The following RBFOX1 variants were observed in gnomAD, a reference collection of about 807,000 sequenced individuals.
RBFOX1 encodes the protein RNA binding fox-1 homolog 1, also known as RNA binding protein fox-1 homolog 1.
A neutral mutation model predicts 57.7 loss-of-function variants in RBFOX1; 8 were observed. The ratio of observed to expected loss-of-function variants is 0.14; its 90% confidence interval spans 0.08 to 0.25. The LOEUF is 0.25. RBFOX1 is among the 10% of genes least tolerant of loss of function. RBFOX1 has a pLI of 1.00. For synonymous variants in RBFOX1, 326 were observed against 222.4 expected (o/e 1.47, Z -4.15); for missense variants, 611 against 548.5 (o/e 1.11, Z -1.14).
intron 14 of RBFOX1, chr16:7,693,492 G>C (rs2077865351): frequency 1.5e-6 from 1 of 677,642 alleles, no homozygotes; most frequent in Non-Finnish European, 2.4e-6. Flanking sequence ...AAAAAAAAAA[G>C]ATCTTATATC....
intron 3 of RBFOX1, among the ~76,000 whole-genome samples, chr16:6,789,879 C>CA (rs2082612790): frequency 6.6e-6 from 1 of 151,496 alleles, no homozygotes. Context: ...TTCTTATTTT[C>CA]AAAAAATACC....
intron 3 of RBFOX1, among the ~76,000 whole-genome samples, chr16:6,934,360 TGTGA>T (rs1191731269): frequency 6.6e-6 from 1 of 152,184 alleles, no homozygotes; most frequent in Non-Finnish European, 1.5e-5. Flanking sequence ...GTAATAAATA[TGTGA>T]GTATTTTTTT....
chr16:7,099,787 G>A (rs74011024), intron 4 of RBFOX1, among the ~76,000 whole-genome samples: 2,657 of 152,226 alleles, frequency 0.017, 80 homozygotes, highest in African/African-American at 0.062. Flanking sequence ...CAAGTGGTTC[G>A]TAGAGTTACC....
At chr16:5,515,227 C>T (rs946514207) in intron 2 of RBFOX1, among the ~76,000 whole-genome samples, 2 of 152,216 alleles carry the variant, frequency 1.3e-5, no homozygotes, top group African/African-American at 4.8e-5. Context: ...ATCAGGTGGC[C>T]TGTGCCTACT....
chr16:5,598,940 C>T, exon 3 of RBFOX1: 9 of 1,533,582 alleles, frequency 5.9e-6, no homozygotes, highest in Non-Finnish European at 7.9e-6. Context: ...TCCCCGGTGC[C>T]AAGAACAGCC....
chr16:5,863,606 A>G (rs2057278182), intron 3 of RBFOX1, among the ~76,000 whole-genome samples: 1 of 152,180 alleles, frequency 6.6e-6, no homozygotes, highest in African/African-American at 2.4e-5. Flanking sequence ...TGAATCTAAT[A>G]TAATTTTGAC....
At chr16:6,575,290 A>G (rs1012640089) in intron 2 of RBFOX1, among the ~76,000 whole-genome samples, 1 of 152,154 alleles carries the variant, frequency 6.6e-6, no homozygotes, top group Non-Finnish European at 1.5e-5. Context: ...AAGCCTATGC[A>G]TGTTGTTTGG....
At position 6,594,390 on chromosome 16, in the gene RBFOX1, T is replaced by C. The variant is rs1040366400; in HGVS notation, c.-63-60213T>C. 4.6e-5 allele frequency among the ~76,000 whole-genome samples: 7 copies of C among 152,280 alleles called. No homozygotes were observed. In the South Asian group the frequency reaches 1.2e-3, roughly 27 times the overall value. On this transcript the variant is annotated intron_variant, in intron 2 of 15. Transcript: ENST00000550418. Reference sequence around the variant, plus strand: ...ACAAGAATGCATGTGCGATTATAAATGGTGGCTGACTTTCAATTTTAGGTT... The same window carrying C: ...ACAAGAATGCATGTGCGATTATAAACGGTGGCTGACTTTCAATTTTAGGTT...
intron 2 of RBFOX1, among the ~76,000 whole-genome samples, chr16:6,439,829 C>G (rs148832119): frequency 2.8e-4 from 43 of 152,174 alleles, no homozygotes; most frequent in African/African-American, 9.6e-4. Context: ...AGGTGAGCAT[C>G]CGACCCAGGG....
intron 3 of RBFOX1, among the ~76,000 whole-genome samples, chr16:6,951,783 G>C (rs1598211841): frequency 6.6e-6 from 1 of 152,066 alleles, no homozygotes; most frequent in Non-Finnish European, 1.5e-5. Context: ...GCCCAGACTG[G>C]AGTGCAGTGG....
At chr16:5,825,940 TAAGG>T (rs2056030898) in intron 3 of RBFOX1, among the ~76,000 whole-genome samples, 1 of 34,012 alleles carries the variant, frequency 2.9e-5, no homozygotes, top group Non-Finnish European at 4.9e-5. Flanking sequence ...GTAATATGAA[TAAGG>T]AATAATATTC....
At chr16:5,822,942 A>G (rs2055907730) in intron 3 of RBFOX1, among the ~76,000 whole-genome samples, 1 of 152,228 alleles carries the variant, frequency 6.6e-6, no homozygotes, top group African/African-American at 2.4e-5. Context: ...TCCACATGAT[A>G]ACTGCATAAT....
intron 3 of RBFOX1, among the ~76,000 whole-genome samples, chr16:6,845,636 G>A (rs868391953): frequency 3.8e-4 from 58 of 151,372 alleles, no homozygotes; most frequent in Middle Eastern, 3.4e-3. Flanking sequence ...TATCACTTAC[G>A]ACCCTTCATT....
At chr16:6,451,968 T>C (rs1363997482) in intron 2 of RBFOX1, among the ~76,000 whole-genome samples, 1 of 141,780 alleles carries the variant, frequency 7.1e-6, no homozygotes, top group Non-Finnish European at 1.5e-5. Context: ...ATGGCTCTCC[T>C]TCCTTCCATG....
intron 13 of RBFOX1, 21 bp downstream of exon 13, chr16:7,664,989 A>G (rs2145692941): frequency 6.2e-7 from 1 of 1,613,864 alleles, no homozygotes. Context: ...ATTCACGTGC[A>G]TGCCATCCCC....
chr16:5,687,682 C>T (rs1402651738), intron 3 of RBFOX1, among the ~76,000 whole-genome samples: 1 of 152,184 alleles, frequency 6.6e-6, no homozygotes, highest in Non-Finnish European at 1.5e-5. Flanking sequence ...CTGCCTGATA[C>T]TGTCTCAGCT....
At chr16:6,185,083 G>C (rs1376199300) in intron 1 of RBFOX1, among the ~76,000 whole-genome samples, 1 of 152,136 alleles carries the variant, frequency 6.6e-6, no homozygotes, top group Non-Finnish European at 1.5e-5. Flanking sequence ...GAAGAGGTTT[G>C]ATATGGAGAT....
intron 1 of RBFOX1, among the ~76,000 whole-genome samples, chr16:5,413,656 C>T (rs74007408): frequency 1.4e-4 from 22 of 152,214 alleles, no homozygotes; most frequent in Admixed American, 1.2e-3. Flanking sequence ...TGAGGACTTG[C>T]TATGTGTCAG....
At chr16:5,879,666 G>C (rs1222177392) in intron 4 of RBFOX1, among the ~76,000 whole-genome samples, 1 of 152,180 alleles carries the variant, frequency 6.6e-6, no homozygotes, top group African/African-American at 2.4e-5. Context: ...GTCAGGAGAG[G>C]CTAAGCTATG....
Sources: gnomAD v4.1 joint callset for allele counts (sites outside exome capture counted in the v4.1 genomes callset) on GRCh38, gnomAD v4.1.1 for gene constraint, MANE v1.5 for transcripts, NCBI Gene and HGNC (gene_info 2026-07-23, HGNC 2026-07-21) for gene names.